Variants in NCALD observed in about 807,000 individuals in gnomAD.
The protein encoded by NCALD is neurocalcin-delta.
Under a neutral mutation model 18.6 loss-of-function variants are expected in NCALD, and 10 were observed. That is an observed-to-expected ratio of 0.54 (90% CI 0.33 to 0.91). The LOEUF (loss-of-function observed/expected upper bound fraction) is 0.91. Among genes scored for constraint, NCALD ranks in the 40% least tolerant of loss-of-function variants. The pLI, the probability that NCALD is intolerant of heterozygous loss-of-function variation, is 0.03. For synonymous variants in NCALD, 88 were observed against 87.4 expected (o/e 1.01, Z -0.04); for missense variants, 184 against 247.6 (o/e 0.74, Z 1.72).
chr8:101,965,355 G>A (rs1217275288), intron 2 of NCALD, among the ~76,000 whole-genome samples: 1 of 152,112 alleles, frequency 6.6e-6, no homozygotes, highest in Non-Finnish European at 1.5e-5. Context: ...CAAAGACTTG[G>A]AACCAACCCA....
chr8:101,889,820 G>C (rs1342666818), intron 3 of NCALD, among the ~76,000 whole-genome samples: 1 of 152,138 alleles, frequency 6.6e-6, no homozygotes, highest in African/African-American at 2.4e-5. Context: ...ATGAAGTGTG[G>C]AATAACTGAG....
At chr8:101,965,969 A>G (rs1266671676) in intron 2 of NCALD, among the ~76,000 whole-genome samples, 1 of 152,168 alleles carries the variant, frequency 6.6e-6, no homozygotes, top group Non-Finnish European at 1.5e-5. Context: ...CTGGATGAAA[A>G]TAAAAGCTTT....
At chr8:101,775,664 C>T (rs529272972) in intron 1 of NCALD, among the ~76,000 whole-genome samples, 17 of 152,306 alleles carry the variant, frequency 1.1e-4, no homozygotes, top group Admixed American at 1.1e-3. Context: ...GTGCTCCTCT[C>T]CACTGACCCA....
chr8:102,074,442 C>T (rs966166624), intron 1 of NCALD, among the ~76,000 whole-genome samples: 1 of 152,112 alleles, frequency 6.6e-6, no homozygotes, highest in African/African-American at 2.4e-5. Flanking sequence ...TAAAGTTCTC[C>T]CAGTCTTTAT....
In NCALD at chr8:101,991,102, A is replaced by G. The variant is rs571150750; in HGVS notation, c.-157+29135T>C. 2.6e-5 allele frequency among the ~76,000 whole-genome samples: 4 copies of G among 152,354 alleles called. No individual in the cohort carries two copies. In the East Asian group the frequency reaches 7.7e-4, roughly 29 times the overall value. ...TTGGGTCTTAAGCAGAAACGAAGGC[A>G]TACTTTGTTAGGGTGTAGAGGGCAT... On this transcript the variant is annotated intron_variant, in intron 2 of 6. Transcript: ENST00000311028.
chr8:101,956,859 T>G (rs1398058928), intron 2 of NCALD, among the ~76,000 whole-genome samples: 3 of 152,206 alleles, frequency 2.0e-5, no homozygotes, highest in African/African-American at 7.2e-5. Context: ...ATGTAATGGT[T>G]GCACTTCACT....
At chr8:101,760,585 C>G (rs539431419) in intron 1 of NCALD, among the ~76,000 whole-genome samples, 1 of 152,178 alleles carries the variant, frequency 6.6e-6, no homozygotes, top group Non-Finnish European at 1.5e-5. Context: ...GAAAAGCCAG[C>G]GTGCATTCGT....
At chr8:102,011,057 C>A (rs560878206) in intron 2 of NCALD, among the ~76,000 whole-genome samples, 1 of 152,308 alleles carries the variant, frequency 6.6e-6, no homozygotes, top group East Asian at 1.9e-4. Flanking sequence ...GACAGACCCA[C>A]AGGAAACATG....
intron 2 of NCALD, among the ~76,000 whole-genome samples, chr8:101,708,020 C>T (rs1815612860): frequency 6.6e-6 from 1 of 152,094 alleles, no homozygotes; most frequent in Non-Finnish European, 1.5e-5. Flanking sequence ...AAGTCAGAGC[C>T]CTAAGGACTG....
At chr8:101,961,271 T>A (rs1209559392) in intron 2 of NCALD, among the ~76,000 whole-genome samples, 1 of 152,180 alleles carries the variant, frequency 6.6e-6, no homozygotes, top group South Asian at 2.1e-4. Flanking sequence ...AACATTGTGG[T>A]ATAATAAAAA....
chr8:102,059,096 G>A (rs1026543243), intron 1 of NCALD, among the ~76,000 whole-genome samples: 2 of 152,188 alleles, frequency 1.3e-5, no homozygotes, highest in Non-Finnish European at 2.9e-5. Context: ...AATTTGTATT[G>A]TTTAATCTAC....
At chr8:101,951,791 AGAGAT>A (rs1819434689) in intron 2 of NCALD, among the ~76,000 whole-genome samples, 1 of 152,198 alleles carries the variant, frequency 6.6e-6, no homozygotes, top group Non-Finnish European at 1.5e-5. Context: ...CTCAAGCTAC[AGAGAT>A]GCCTGAGAAC....
At chr8:101,756,458 T>C (rs757147131) in intron 1 of NCALD, among the ~76,000 whole-genome samples, 1 of 152,206 alleles carries the variant, frequency 6.6e-6, no homozygotes, top group African/African-American at 2.4e-5. Context: ...CTGGCCCGTG[T>C]TCAACAGCGC....
Position 102,065,010 on chromosome 8 carries a change from C to CAAAAA in NCALD, c.-209-44726_-209-44722dup, listed in dbSNP as rs34548051. 8.5e-3 allele frequency among the ~76,000 whole-genome samples: 741 copies of CAAAAA among 87,424 alleles called. 28 individuals are homozygous for CAAAAA. The highest frequency in any genetic ancestry group is 0.017 in the African/African-American group (350 of 20,834). The allele number at this position is 87,424 out of a possible 152,430, so 57.4% of individuals were successfully genotyped here. ...GATTTGACAATTCTTCTCACTTTGG[C>CAAAAA]AAAAAAAAAAAAAAAAAAAAAAATC... On this transcript the variant is annotated intron_variant, in intron 1 of 6. Transcript: ENST00000311028.
At chr8:101,808,940 T>G (rs1298474550) in intron 4 of NCALD, among the ~76,000 whole-genome samples, 1 of 151,716 alleles carries the variant, frequency 6.6e-6, no homozygotes, top group African/African-American at 2.4e-5. Context: ...AGAGGGAGAT[T>G]TCCATTTTAT....
At chr8:101,786,916 G>T (rs1812250054) in intron 1 of NCALD, among the ~76,000 whole-genome samples, 1 of 152,066 alleles carries the variant, frequency 6.6e-6, no homozygotes, top group South Asian at 2.1e-4. Context: ...AGGCACTTAT[G>T]AAAATACATG....
intron 2 of NCALD, among the ~76,000 whole-genome samples, chr8:101,715,428 T>C (rs1490877418): frequency 1.3e-5 from 2 of 152,150 alleles, no homozygotes; most frequent in Non-Finnish European, 1.5e-5. Flanking sequence ...GGCAAAGACT[T>C]CATGACTAAA....
intron 1 of NCALD, among the ~76,000 whole-genome samples, chr8:101,743,338 A>G (rs959416953): frequency 1.3e-5 from 2 of 152,216 alleles, no homozygotes; most frequent in Non-Finnish European, 2.9e-5. Flanking sequence ...TAGAGCAGAT[A>G]GAGGACTGCT....
intron 1 of NCALD, among the ~76,000 whole-genome samples, chr8:102,048,514 G>T (rs75930635): frequency 2.6e-4 from 40 of 152,280 alleles, no homozygotes; most frequent in Non-Finnish European, 5.1e-4. Context: ...CAGAACAGGA[G>T]AAGAGTAAAT....
Sources: gnomAD v4.1 joint callset for allele counts (sites outside exome capture counted in the v4.1 genomes callset) on GRCh38, gnomAD v4.1.1 for gene constraint, MANE v1.5 for transcripts, NCBI Gene and HGNC (gene_info 2026-07-23, HGNC 2026-07-21) for gene names.